The following PIWIL2 variants were observed in gnomAD, a reference collection of about 807,000 sequenced individuals.
PIWIL2 encodes the protein piwi like RNA-mediated gene silencing 2, also known as piwi-like protein 2.
PIWIL2 carries 81 observed loss-of-function variants against 116.5 expected under a neutral mutation model. The observed-to-expected ratio is 0.70, with a 90% CI of 0.58 to 0.84. PIWIL2 has a LOEUF of 0.84. Among genes scored for constraint, PIWIL2 ranks in the 40% least tolerant of loss-of-function variants. The pLI is 0.00. For synonymous variants in PIWIL2, 489 were observed against 429.5 expected (o/e 1.14, Z -1.71); for missense variants, 1,272 against 1,212.3 (o/e 1.05, Z -0.73).
intron 10 of PIWIL2, 50 bp from the exon 11 acceptor site, chr8:22,303,971 C>G: frequency 8.3e-7 from 1 of 1,206,894 alleles, no homozygotes; most frequent in Non-Finnish European, 1.2e-6. Flanking sequence ...CCCTTTCATA[C>G]TGTTCTGGAT....
At chr8:22,300,844 G>A in intron 10 of PIWIL2, among the ~76,000 whole-genome samples, 1 of 151,982 alleles carries the variant, frequency 6.6e-6, no homozygotes, top group Non-Finnish European at 1.5e-5. Context: ...TAAATATTTG[G>A]GTTGTTGTTT....
chr8:22,341,370 C>T (rs901796686), intron 20 of PIWIL2, among the ~76,000 whole-genome samples: 7 of 151,490 alleles, frequency 4.6e-5, no homozygotes, highest in Admixed American at 1.3e-4. Context: ...CTGAGGTGGG[C>T]GGATCACCTG....
At chr8:22,300,467 T>C (rs762946924) in intron 10 of PIWIL2, among the ~76,000 whole-genome samples, 2 of 152,256 alleles carry the variant, frequency 1.3e-5, no homozygotes, top group Non-Finnish European at 2.9e-5. Context: ...GCTATAAATA[T>C]TAGTGTACAA....
chr8:22,296,165 C>T (rs1341212497), intron 10 of PIWIL2, among the ~76,000 whole-genome samples: 1 of 151,730 alleles, frequency 6.6e-6, no homozygotes, highest in African/African-American at 2.4e-5. Flanking sequence ...AAGCAATTCT[C>T]CTGCCTCAGC....
At chr8:22,305,719 C>T (rs974602540) in intron 12 of PIWIL2, among the ~76,000 whole-genome samples, 1 of 151,884 alleles carries the variant, frequency 6.6e-6, no homozygotes, top group African/African-American at 2.4e-5. Context: ...TTCCTTTGAC[C>T]TAATACAACA....
intron 10 of PIWIL2, among the ~76,000 whole-genome samples, chr8:22,300,712 C>T (rs868165235): frequency 5.3e-5 from 8 of 152,212 alleles, no homozygotes; most frequent in South Asian, 2.1e-4. Flanking sequence ...ACAGTGGTAT[C>T]GAATTGTGGT....
Position 22,281,502 on chromosome 8 carries a change from G to A in PIWIL2, c.412G>A (p.Val138Ile), listed in dbSNP as rs544698493. 5.9e-4 allele frequency: 930 copies of A among 1,581,364 alleles called. 13 individuals carry two copies. The South Asian group carries it at 0.01, about 18-fold the overall frequency. The change falls in exon 4 of 23, where the codon GTT becomes ATT. Residue 138 changes from valine to isoleucine, a missense_variant. Transcript: ENST00000356766. The part of the protein sequence containing the change: ...AGDSKMAETS[V>I]GWSRTLGRGS... The stretch of plus-strand genomic sequence containing the variant: ...GGACAGCAAGATGGCAGAGACCTCC[G>A]TTGGTTGGAGTAGGTGGGTAAAGTT...
chr8:22,304,072 GCTT>G lies in PIWIL2; in HGVS notation c.1236_1238del (p.Leu413del). On this transcript the variant is annotated inframe_deletion, in exon 11 of 23. Coordinates refer to ENST00000356766, the MANE Select transcript of PIWIL2 (RefSeq NM_018068.5). ...AACACTTCCAGGATGAGTGTACTAA[GCTT>G]CTGGTTGGCAATATTGTTATCACCC... 1 of 1,613,558 alleles carries G rather than the reference GCTT, an allele frequency of 6.2e-7. No homozygotes were observed. Among genetic ancestry groups the G allele is most frequent in the Non-Finnish European group, 8.5e-7 (1 of 1,179,540 alleles).
chr8:22,289,971 A>G, intron 9 of PIWIL2, 44 bp downstream of exon 9: 1 of 1,301,468 alleles, frequency 7.7e-7, no homozygotes, highest in Non-Finnish European at 1.1e-6. Context: ...TGTTCTGGAA[A>G]GAAAGTTTCC....
intron 6 of PIWIL2, among the ~76,000 whole-genome samples, chr8:22,286,146 C>G (rs1298437354): frequency 6.6e-6 from 1 of 152,100 alleles, no homozygotes; most frequent in Non-Finnish European, 1.5e-5. Context: ...AGGTGGTTGA[C>G]TTTGGCCACA....
intron 20 of PIWIL2, among the ~76,000 whole-genome samples, chr8:22,339,081 A>G (rs1038092825): frequency 6.6e-6 from 1 of 152,248 alleles, no homozygotes; most frequent in Non-Finnish European, 1.5e-5. Flanking sequence ...GGTGGGGGAA[A>G]GAGTAATGTT....
Position 22,278,614 on chromosome 8 carries a change from C to T in PIWIL2, c.-46-727C>T, listed in dbSNP as rs189808675. Among the ~76,000 whole-genome samples, 260 of 152,316 alleles carry T rather than the reference C, an allele frequency of 1.7e-3. 1 individual carries two copies. The highest frequency in any genetic ancestry group is 6.2e-3 in the African/African-American group (256 of 41,586). ...AAAATATAAGTAAGTTCAAGGAGGA[C>T]ACGGGCCTCTAAGGCAGGGGTTCCC... On this transcript the variant is annotated intron_variant, in intron 1 of 22. Coordinates refer to ENST00000356766, the MANE Select transcript of PIWIL2 (RefSeq NM_018068.5).
At chr8:22,320,917 A>G (rs1479410134) in intron 20 of PIWIL2, among the ~76,000 whole-genome samples, 1 of 152,142 alleles carries the variant, frequency 6.6e-6, no homozygotes, top group African/African-American at 2.4e-5. Flanking sequence ...GTAAAAGTGC[A>G]GTCTGCTGCA....
chr8:22,283,216 T>G lies in PIWIL2; in HGVS notation c.608T>G (p.Val203Gly). ...SPLHSPDRPLVLTVEHKEKEL... is the reference protein window; with the variant it reads ...SPLHSPDRPLGLTVEHKEKEL... Reference sequence around the variant, plus strand: ...CTGCACTCTCCAGATCGCCCTCTGGTCCTGACTGTGGAACACAAGGAAAAG... The same window carrying G: ...CTGCACTCTCCAGATCGCCCTCTGGGCCTGACTGTGGAACACAAGGAAAAG... The change falls in exon 5 of 23, where the codon GTC becomes GGC. Residue 203 changes from valine to glycine, a missense_variant. By Grantham distance (109) the Val-to-Gly change is moderately radical. Transcript: ENST00000356766. 1 of 1,613,890 alleles carries G rather than the reference T, an allele frequency of 6.2e-7. No individual in the cohort carries two copies. Among genetic ancestry groups the G allele is most frequent in the Non-Finnish European group, 8.5e-7 (1 of 1,179,874 alleles).
At chr8:22,302,235 G>T (rs1313172373) in intron 10 of PIWIL2, among the ~76,000 whole-genome samples, 8 of 151,908 alleles carry the variant, frequency 5.3e-5, no homozygotes, top group African/African-American at 1.9e-4. Context: ...AGGCTAAAGT[G>T]CAGTGGCGCG....
At position 22,322,432 on chromosome 8, in the gene PIWIL2, G is replaced by T. The variant is rs76003567; in HGVS notation, c.2403+4157G>T. On this transcript the variant is annotated intron_variant, in intron 20 of 22. Coordinates refer to ENST00000356766, the MANE Select transcript of PIWIL2 (RefSeq NM_018068.5). Reference sequence around the variant, plus strand: ...CACCCAGCTAATTTTTGTATTTTTTGTAGAGACAGAGGGTCACTATATTGC... The same window carrying T: ...CACCCAGCTAATTTTTGTATTTTTTTTAGAGACAGAGGGTCACTATATTGC... Among the ~76,000 whole-genome samples, 5 of 151,892 alleles carry T rather than the reference G, an allele frequency of 3.3e-5. No individual in the cohort carries two copies. The East Asian group carries it at 7.7e-4, about 23-fold the overall frequency.
chr8:22,281,030 G>T, intron 2 of PIWIL2, 90 bp from the exon 3 acceptor site: 1 of 730,788 alleles, frequency 1.4e-6, no homozygotes, highest in East Asian at 2.6e-5. Flanking sequence ...AGAATTTGAA[G>T]ATGATTTTAT....
At chr8:22,285,869 T>G (rs2131990098) in intron 6 of PIWIL2, among the ~76,000 whole-genome samples, 1 of 152,214 alleles carries the variant, frequency 6.6e-6, no homozygotes, top group African/African-American at 2.4e-5. Flanking sequence ...GGTCTCAAAC[T>G]CCTGACCTCA....
At chr8:22,294,405 G>T (rs1175243759) in intron 10 of PIWIL2, among the ~76,000 whole-genome samples, 1 of 150,818 alleles carries the variant, frequency 6.6e-6, no homozygotes, top group East Asian at 2.0e-4. Flanking sequence ...ACTTTGGGAG[G>T]CCGAGGCGGG....
Sources: allele counts gnomAD v4.1 joint callset (sites outside exome capture counted in the v4.1 genomes callset), GRCh38; gene constraint gnomAD v4.1.1; transcripts MANE v1.5; gene names NCBI Gene and HGNC (gene_info 2026-07-23, HGNC 2026-07-21).